The following ARHGAP6 variants were observed in gnomAD, a reference collection of about 807,000 sequenced individuals.
ARHGAP6 encodes Rho GTPase activating protein 6, also known as rho GTPase-activating protein 6.
Under a neutral mutation model 55.7 loss-of-function variants are expected in ARHGAP6, and 16 were observed. That is an observed-to-expected ratio of 0.29 (90% CI 0.19 to 0.44). ARHGAP6 has a LOEUF of 0.44. ARHGAP6 is among the 20% of genes least tolerant of loss of function. The pLI is 1.00. For missense variants in ARHGAP6, 698 were observed against 808.9 expected (o/e 0.86, Z 1.66); for synonymous variants, 382 against 360.9 (o/e 1.06, Z -0.66).
chrX:11,437,755 T>C, intron 1 of ARHGAP6, among the ~76,000 whole-genome samples: 1 of 112,131 alleles, frequency 8.9e-6, no homozygotes, highest in Non-Finnish European at 1.9e-5. Flanking sequence ...TGATGTAAAC[T>C]CCCAGGCACT....
At chrX:11,535,468 T>G (rs1311084596) in intron 1 of ARHGAP6, among the ~76,000 whole-genome samples, 1 of 112,250 alleles carries the variant, frequency 8.9e-6, no homozygotes, top group African/African-American at 3.2e-5. Context: ...ATGAGGCTAC[T>G]TGTTTTACTT....
At chrX:11,575,264 G>C (rs772241101) in intron 1 of ARHGAP6, among the ~76,000 whole-genome samples, 1 of 112,016 alleles carries the variant, frequency 8.9e-6, no homozygotes, top group South Asian at 3.7e-4. Flanking sequence ...CTGAGTCCTT[G>C]AATCCCCACA....
At chrX:11,529,453 G>A (rs59161905) in intron 1 of ARHGAP6, among the ~76,000 whole-genome samples, 11,964 of 111,642 alleles carry the variant, frequency 0.11, 805 homozygotes, top group African/African-American at 0.24. Context: ...TAAAAATTAG[G>A]TTCAATAGAT....
At chrX:11,338,236 G>C (rs185897155) in intron 1 of ARHGAP6, among the ~76,000 whole-genome samples, 25 of 111,656 alleles carry the variant, frequency 2.2e-4, no homozygotes, top group African/African-American at 8.1e-4. Context: ...CAAATTCTCC[G>C]AGGGCCATGG....
chrX:11,219,355 C>T (rs2046930565), intron 2 of ARHGAP6, among the ~76,000 whole-genome samples: 1 of 102,504 alleles, frequency 9.8e-6, no homozygotes, highest in East Asian at 2.8e-4. Flanking sequence ...CATACGTGTG[C>T]ATGTGTCTTT....
At chrX:11,516,722 T>C (rs1472710396) in intron 1 of ARHGAP6, among the ~76,000 whole-genome samples, 1 of 111,997 alleles carries the variant, frequency 8.9e-6, no homozygotes, top group East Asian at 2.8e-4. Flanking sequence ...TTGAAACATA[T>C]TTTGTATGTT....
intron 1 of ARHGAP6, chrX:11,298,426 A>T (rs1326076390): frequency 8.7e-7 from 1 of 1,144,172 alleles, no homozygotes; most frequent in African/African-American, 1.8e-5. Context: ...ACAGTTACAA[A>T]TTTTTGCAAA....
In ARHGAP6 at chrX:11,429,001, C is replaced by T. The variant is rs927451693; in HGVS notation, c.589-174294G>A. On this transcript the variant is annotated intron_variant, in intron 1 of 12. Transcript: ENST00000337414. Reference sequence around the variant, plus strand: ...CTAGATATACAGAGTACAATAATCTCATCATATACCAGAATGCTCATACTG... The same window carrying T: ...CTAGATATACAGAGTACAATAATCTTATCATATACCAGAATGCTCATACTG... Among the ~76,000 whole-genome samples, 4 of 111,505 alleles carry T rather than the reference C, an allele frequency of 3.6e-5. No homozygotes were observed. In the Admixed American group the frequency reaches 3.8e-4, roughly 11 times the overall value.
chrX:11,544,104 T>C (rs2051188250), intron 1 of ARHGAP6, among the ~76,000 whole-genome samples: 1 of 112,244 alleles, frequency 8.9e-6, no homozygotes, highest in Admixed American at 9.5e-5. Context: ...TCTAGGCTGG[T>C]TCAATTGTTT....
intron 1 of ARHGAP6, among the ~76,000 whole-genome samples, chrX:11,631,916 T>C (rs2052365846): frequency 8.9e-6 from 1 of 111,897 alleles, no homozygotes; most frequent in African/African-American, 3.2e-5. Context: ...CATTCTTTGC[T>C]CACAGGATGT....
intron 1 of ARHGAP6, among the ~76,000 whole-genome samples, chrX:11,452,184 G>T (rs2050149245): frequency 8.9e-6 from 1 of 112,247 alleles, no homozygotes; most frequent in African/African-American, 3.2e-5. Context: ...GTCTCACCCT[G>T]TCGCCCAGTA....
At chrX:11,566,322 A>C (rs12394401) in intron 1 of ARHGAP6, among the ~76,000 whole-genome samples, 27,351 of 111,187 alleles carry the variant, frequency 0.25, 2,604 homozygotes, top group Middle Eastern at 0.32. Flanking sequence ...TTTCCATTAC[A>C]TGAGAATGTG....
intron 1 of ARHGAP6, among the ~76,000 whole-genome samples, chrX:11,364,742 A>G (rs2049054253): frequency 8.9e-6 from 1 of 111,928 alleles, no homozygotes; most frequent in Non-Finnish European, 1.9e-5. Context: ...CTGGGGAATT[A>G]TATTTTATAT....
intron 9 of ARHGAP6, among the ~76,000 whole-genome samples, chrX:11,164,995 A>G (rs1347794323): frequency 2.7e-5 from 3 of 111,778 alleles, no homozygotes; most frequent in African/African-American, 9.8e-5. Context: ...GTAGATATTA[A>G]TGATTCTTAT....
intron 1 of ARHGAP6, among the ~76,000 whole-genome samples, chrX:11,342,662 A>G (rs1326906220): frequency 3.6e-5 from 4 of 112,272 alleles, no homozygotes; most frequent in Non-Finnish European, 7.5e-5. Context: ...GTACTCTTGA[A>G]TTCTGCCACT....
chrX:11,492,953 A>T (rs1212594831), intron 1 of ARHGAP6, among the ~76,000 whole-genome samples: 1 of 111,595 alleles, frequency 9.0e-6, no homozygotes, highest in Non-Finnish European at 1.9e-5. Flanking sequence ...ACTAGACAAA[A>T]TGGTGACCAC....
chrX:11,220,406 G>A (rs2046951350), intron 2 of ARHGAP6, among the ~76,000 whole-genome samples: 1 of 111,470 alleles, frequency 9.0e-6, no homozygotes, highest in African/African-American at 3.3e-5. Flanking sequence ...CCCTCAAAGG[G>A]AAGCCCATCA....
chrX:11,281,666 TG>T (rs1313277559), intron 1 of ARHGAP6, among the ~76,000 whole-genome samples: 1 of 111,173 alleles, frequency 9.0e-6, no homozygotes, highest in Non-Finnish European at 1.9e-5. Flanking sequence ...TGGACATAAA[TG>T]TTTATTATAA....
chrX:11,393,826 T>C lies in ARHGAP6; in HGVS notation c.589-139119A>G, dbSNP rs750743747. On this transcript the variant is annotated intron_variant, in intron 1 of 12. Transcript: ENST00000337414. The stretch of plus-strand genomic sequence containing the variant: ...TCTTATCAATGGTATTTTTAACTTG[T>C]TTTAATACTGAGAAAAATATTTTTT... Among the ~76,000 whole-genome samples, 3 of 111,934 alleles carry C rather than the reference T, an allele frequency of 2.7e-5. No individual in the cohort carries two copies. The South Asian group carries it at 1.1e-3, about 42-fold the overall frequency.
Sources: allele counts gnomAD v4.1 joint callset (sites outside exome capture counted in the v4.1 genomes callset), GRCh38; gene constraint gnomAD v4.1.1; transcripts MANE v1.5; gene names NCBI Gene and HGNC (gene_info 2026-07-23, HGNC 2026-07-21).